Variants in DSCAM observed in about 807,000 individuals in gnomAD.
DSCAM encodes the protein DS cell adhesion molecule, also known as cell adhesion molecule DSCAM.
In DSCAM, 47 loss-of-function variants were observed where a neutral mutation model predicts 217.7. The observed-to-expected ratio is 0.22, with a 90% confidence interval of 0.17 to 0.28. The LOEUF is 0.28. Among genes scored for constraint, DSCAM ranks in the 10% least tolerant of loss-of-function variants. DSCAM has a pLI of 1.00. For synonymous variants in DSCAM, 1,056 were observed against 1,015.3 expected, an observed-to-expected ratio of 1.04 and a Z score of -0.76; for missense variants, 2,080 against 2,618.3, an observed-to-expected ratio of 0.79 and a Z score of 4.49.
chr21:40,235,298 G>C (rs1450944881), intron 11 of DSCAM, among the ~76,000 whole-genome samples: 2 of 152,176 alleles, frequency 1.3e-5, no homozygotes, highest in Admixed American at 1.3e-4. Flanking sequence ...GTAACCATCT[G>C]TACTAGCCTC....
At chr21:40,631,091 T>C (rs1469260121) in intron 3 of DSCAM, among the ~76,000 whole-genome samples, 1 of 152,214 alleles carries the variant, frequency 6.6e-6, no homozygotes. Context: ...TAGCAGAAAT[T>C]GTGTATGCCA....
At chr21:40,045,521 C>G (rs1322287089) in intron 30 of DSCAM, among the ~76,000 whole-genome samples, 1 of 152,322 alleles carries the variant, frequency 6.6e-6, no homozygotes, top group Non-Finnish European at 1.5e-5. Context: ...AAGGATGTTC[C>G]ACCAGCAGAG....
chr21:40,597,853 G>A (rs1042710194), intron 3 of DSCAM, among the ~76,000 whole-genome samples: 30 of 152,194 alleles, frequency 2.0e-4, no homozygotes, highest in African/African-American at 5.3e-4. Context: ...AAATTGAGGC[G>A]ATAGTAGAGA....
chr21:40,518,284 T>C (rs2076319559), intron 3 of DSCAM, among the ~76,000 whole-genome samples: 1 of 127,036 alleles, frequency 7.9e-6, no homozygotes, highest in East Asian at 2.2e-4. Flanking sequence ...AGCCCAGTCA[T>C]CTGCTGACAT....
At chr21:40,283,064 A>G (rs745314598) in intron 10 of DSCAM, among the ~76,000 whole-genome samples, 82 of 152,230 alleles carry the variant, frequency 5.4e-4, no homozygotes, top group Non-Finnish European at 7.3e-4. Flanking sequence ...CACACTGCCA[A>G]CTGATTCATC....
intron 1 of DSCAM, among the ~76,000 whole-genome samples, chr21:40,776,791 A>G (rs1466210205): frequency 6.6e-6 from 1 of 152,244 alleles, no homozygotes; most frequent in African/African-American, 2.4e-5. Context: ...AGAGATTAAT[A>G]TAATGAGAGT....
At chr21:40,835,754 G>C (rs1487697506) in intron 1 of DSCAM, among the ~76,000 whole-genome samples, 1 of 152,108 alleles carries the variant, frequency 6.6e-6, no homozygotes, top group Non-Finnish European at 1.5e-5. Flanking sequence ...GCACACATTT[G>C]AGTCTATTTT....
intron 3 of DSCAM, among the ~76,000 whole-genome samples, chr21:40,608,172 A>G (rs2089267346): frequency 1.3e-5 from 2 of 152,260 alleles, no homozygotes; most frequent in Admixed American, 6.5e-5. Flanking sequence ...GTATTTTTCT[A>G]GTGGCAGTGA....
In DSCAM at chr21:40,612,557, C is replaced by A. The variant is rs377697032; in HGVS notation, c.508+80253G>T. ...CTACTGGCCATTGGTGTCTACCCAG[C>A]AGAGGTCCTAGGCATCCTGGAGCAG... On this transcript the variant is annotated intron_variant, in intron 3 of 32. Transcript: ENST00000400454. Among the ~76,000 whole-genome samples, 70 of 152,308 alleles carry A rather than the reference C, an allele frequency of 4.6e-4. 1 individual carries two copies. The South Asian group carries it at 0.014, about 31-fold the overall frequency.
chr21:40,363,215 T>C (rs1476284305), intron 4 of DSCAM, among the ~76,000 whole-genome samples: 2 of 151,010 alleles, frequency 1.3e-5, no homozygotes, highest in South Asian at 2.1e-4. Flanking sequence ...AAATTCATAC[T>C]TTTTTTTTGA....
intron 1 of DSCAM, among the ~76,000 whole-genome samples, chr21:40,720,938 AT>A (rs2090894485): frequency 6.6e-6 from 1 of 152,194 alleles, no homozygotes; most frequent in Non-Finnish European, 1.5e-5. Flanking sequence ...GTGTGCTGAT[AT>A]TTGCATGCGT....
At chr21:40,456,675 A>G (rs2075766445) in intron 3 of DSCAM, among the ~76,000 whole-genome samples, 1 of 68,202 alleles carries the variant, frequency 1.5e-5, no homozygotes, top group Admixed American at 1.6e-4. Context: ...TACAAAAATT[A>G]TTGTGAATAC....
intron 29 of DSCAM, 74 bp downstream of exon 29, chr21:40,055,651 C>T (rs2089003663): frequency 1.8e-6 from 2 of 1,110,230 alleles, no homozygotes; most frequent in Non-Finnish European, 2.7e-6. Context: ...ATATTTCCCA[C>T]ATCCTGGGGT....
At chr21:40,845,885 A>G (rs556280676) in intron 1 of DSCAM, among the ~76,000 whole-genome samples, 1 of 152,318 alleles carries the variant, frequency 6.6e-6, no homozygotes, top group East Asian at 1.9e-4. Context: ...GTCAAGAGCA[A>G]TAGCTTTCTA....
intron 1 of DSCAM, among the ~76,000 whole-genome samples, chr21:40,824,872 T>G (rs1435331714): frequency 6.6e-6 from 1 of 152,188 alleles, no homozygotes; most frequent in Non-Finnish European, 1.5e-5. Context: ...ATACACAACC[T>G]TAAAAGTAAA....
intron 1 of DSCAM, among the ~76,000 whole-genome samples, chr21:40,721,143 T>A (rs998012607): frequency 1.3e-5 from 2 of 152,152 alleles, no homozygotes; most frequent in Non-Finnish European, 2.9e-5. Flanking sequence ...CATAACAAAA[T>A]TTAAAAGTGA....
intron 3 of DSCAM, among the ~76,000 whole-genome samples, chr21:40,486,110 C>A (rs937843796): frequency 1.1e-4 from 16 of 152,206 alleles, no homozygotes; most frequent in African/African-American, 2.9e-4. Context: ...TCCTAGAGGT[C>A]AGCCATAGAT....
intron 10 of DSCAM, among the ~76,000 whole-genome samples, chr21:40,282,905 T>C (rs184112392): frequency 5.3e-5 from 8 of 152,356 alleles, no homozygotes; most frequent in Non-Finnish European, 1.0e-4. Flanking sequence ...GTTTCTTTAT[T>C]ACTAAAAGGT....
intron 3 of DSCAM, among the ~76,000 whole-genome samples, chr21:40,683,242 G>A (rs543438896): frequency 6.6e-6 from 1 of 152,326 alleles, no homozygotes; most frequent in South Asian, 2.1e-4. Flanking sequence ...ATCTAACAGG[G>A]AGGTCAGAGA....
Sources: allele counts gnomAD v4.1 joint callset (sites outside exome capture counted in the v4.1 genomes callset), GRCh38; gene constraint gnomAD v4.1.1; transcripts MANE v1.5; gene names NCBI Gene and HGNC (gene_info 2026-07-23, HGNC 2026-07-21).